CDH4: variants seen among roughly 807,000 people sequenced by gnomAD.
The protein encoded by CDH4 is cadherin-4.
In CDH4, 33 loss-of-function variants were observed where a neutral mutation model predicts 86.0. The observed-to-expected ratio is 0.38, with a 90% CI of 0.29 to 0.51. The LOEUF is 0.51. Among genes scored for constraint, CDH4 ranks in the 20% least tolerant of loss-of-function variants. The pLI is 0.86. For synonymous variants in CDH4, 555 were observed against 549.4 expected (o/e 1.01, Z -0.14); for missense variants, 1,114 against 1,307.4 (o/e 0.85, Z 2.28).
At chr20:61,871,835 C>T (rs1343732153) in intron 6 of CDH4, among the ~76,000 whole-genome samples, 1 of 152,220 alleles carries the variant, frequency 6.6e-6, no homozygotes, top group Non-Finnish European at 1.5e-5. Context: ...TGAAGTGCTC[C>T]TGCCTCCGCT....
chr20:61,913,687 T>C (rs1276916333), intron 9 of CDH4, among the ~76,000 whole-genome samples: 1 of 152,214 alleles, frequency 6.6e-6, no homozygotes, highest in Non-Finnish European at 1.5e-5. Flanking sequence ...CAGCTGGGGA[T>C]GCTCCTGAGA....
chr20:61,910,506 A>C lies in CDH4; in HGVS notation c.1273A>C (p.Asn425His), dbSNP rs753047655. ...GGACCGAGATCAGCCCCACTCTCCA[A>C]ACTGGAATGCCGTTTACCGCATCAT... is the stretch of plus-strand genomic sequence containing the variant. ...VMDRDQPHSPNWNAVYRIISG... is the reference protein window; with the variant it reads ...VMDRDQPHSPHWNAVYRIISG... The change falls in exon 9 of 16, where the codon AAC (asparagine) becomes CAC (histidine). Residue 425 changes from asparagine (N) to histidine (H), a missense_variant. Physicochemically the swap from Asn to His is moderately conservative, Grantham distance 68. Around this residue, in one of 3 missense-constraint regions of CDH4, gnomAD observed 705 missense variants for 914.1 expected, o/e 0.77. Coordinates refer to ENST00000614565, the MANE Select transcript of CDH4 (RefSeq NM_001794.5). 37 of 1,613,838 alleles carry C rather than the reference A, an allele frequency of 2.3e-5. No homozygotes were observed. Among genetic ancestry groups the C allele is most frequent in the Non-Finnish European group, 3.1e-5 (37 of 1,180,036 alleles).
intron 2 of CDH4, among the ~76,000 whole-genome samples, chr20:61,495,902 CAA>C (rs72458954): frequency 1.9e-4 from 11 of 58,404 alleles, no homozygotes; most frequent in African/African-American, 5.6e-4. Flanking sequence ...GACTCCATCT[CAA>C]AAAAAAAAAA....
intron 2 of CDH4, among the ~76,000 whole-genome samples, chr20:61,654,255 T>A (rs1192273696): frequency 6.6e-6 from 1 of 151,610 alleles, no homozygotes; most frequent in Non-Finnish European, 1.5e-5. Flanking sequence ...AAACCCCGTC[T>A]CCACCAAAAA....
chr20:61,869,698 C>G (rs544666588), intron 6 of CDH4, among the ~76,000 whole-genome samples: 60 of 152,352 alleles, frequency 3.9e-4, no homozygotes, highest in Non-Finnish European at 6.9e-4. Flanking sequence ...CCCCAGGTCC[C>G]CAAGCCTCCA....
Position 61,755,781 on chromosome 20 carries a change from CCA to C in CDH4, c.396+12004_396+12005del, listed in dbSNP as rs752901844. On this transcript the variant is annotated intron_variant, in intron 3 of 15. Coordinates refer to ENST00000614565, the MANE Select transcript of CDH4 (RefSeq NM_001794.5). ...CACACACACTACACACATATACACA[CCA>C]CACACACACACCACACATTTACACG... 2.0e-3 allele frequency among the ~76,000 whole-genome samples: 303 copies of C among 151,664 alleles called. 2 individuals carry two copies. The highest frequency in any genetic ancestry group is 3.6e-3 in the Admixed American group (55 of 15,258).
rs932226399 is a variant in CDH4, at chr20:61,786,055, G to A, written c.576+12873G>A. Among the ~76,000 whole-genome samples the A allele has an allele frequency of 6.6e-5, 10 of 152,138 alleles. No homozygotes were observed. In the East Asian group the frequency reaches 7.7e-4, roughly 12 times the overall value. ...CTGGTTCACCAGACACAGAATCCACGTCCAGGATGGGAGGAACTGCTCTAA... is the reference window on the plus strand; with the variant it reads ...CTGGTTCACCAGACACAGAATCCACATCCAGGATGGGAGGAACTGCTCTAA... On this transcript the variant is annotated intron_variant, in intron 4 of 15. Transcript: ENST00000614565.
At chr20:61,813,071 T>G (rs999106656) in intron 4 of CDH4, among the ~76,000 whole-genome samples, 6 of 152,226 alleles carry the variant, frequency 3.9e-5, no homozygotes, top group African/African-American at 7.2e-5. Flanking sequence ...CCCGCTGCCT[T>G]CCTTTTCAAA....
chr20:61,552,381 G>A (rs1053955892), intron 2 of CDH4, among the ~76,000 whole-genome samples: 1 of 152,196 alleles, frequency 6.6e-6, no homozygotes, highest in African/African-American at 2.4e-5. Context: ...AACGTCATTA[G>A]TAAGTAGGAA....
intron 2 of CDH4, among the ~76,000 whole-genome samples, chr20:61,297,636 T>A (rs2084363230): frequency 6.6e-6 from 1 of 152,228 alleles, no homozygotes; most frequent in African/African-American, 2.4e-5. Flanking sequence ...AGTGGGCCCT[T>A]CAGAAAGATT....
chr20:61,530,969 G>A (rs2085947216), intron 2 of CDH4, among the ~76,000 whole-genome samples: 1 of 151,972 alleles, frequency 6.6e-6, no homozygotes, highest in South Asian at 2.1e-4. Context: ...TATGCCAATA[G>A]TTCATCTCTA....
intron 2 of CDH4, among the ~76,000 whole-genome samples, chr20:61,692,884 G>A (rs545669700): frequency 2.6e-5 from 4 of 150,992 alleles, no homozygotes; most frequent in East Asian, 1.9e-4. Flanking sequence ...AGAAATGCCC[G>A]TGTGGATATT....
intron 5 of CDH4, among the ~76,000 whole-genome samples, chr20:61,850,338 C>T (rs546758506): frequency 2.6e-5 from 4 of 152,348 alleles, no homozygotes; most frequent in South Asian, 2.1e-4. Flanking sequence ...AGCAAACGCA[C>T]GGTGCGTGTT....
intron 2 of CDH4, among the ~76,000 whole-genome samples, chr20:61,389,602 G>GCGT (rs1167297713): frequency 6.6e-6 from 1 of 152,216 alleles, no homozygotes; most frequent in East Asian, 1.9e-4. Context: ...ACGCCTCCCA[G>GCGT]CGTCTTCATT....
chr20:61,532,502 C>T (rs1339457512), intron 2 of CDH4, among the ~76,000 whole-genome samples: 1 of 152,166 alleles, frequency 6.6e-6, no homozygotes, highest in Admixed American at 6.5e-5. Flanking sequence ...AGACCCGCAT[C>T]TCACCACCGT....
intron 2 of CDH4, among the ~76,000 whole-genome samples, chr20:61,279,140 C>T (rs4347903): frequency 0.71 from 108,303 of 152,122 alleles, 38,788 homozygotes; most frequent in Admixed American, 0.78. Context: ...TTAAAGTCTC[C>T]GTCACAGCCT....
chr20:61,622,488 G>A (rs1329245259), intron 2 of CDH4, among the ~76,000 whole-genome samples: 14 of 152,268 alleles, frequency 9.2e-5, no homozygotes, highest in Non-Finnish European at 5.9e-5. Context: ...TGCAGCATCC[G>A]AGGACCAGAC....
chr20:61,814,485 C>T (rs561252849), intron 4 of CDH4, among the ~76,000 whole-genome samples: 9 of 152,316 alleles, frequency 5.9e-5, no homozygotes, highest in East Asian at 1.9e-4. Context: ...CTCACACCCA[C>T]GCTCGAAGCC....
chr20:61,755,346 C>T (rs1279461361), intron 3 of CDH4, among the ~76,000 whole-genome samples: 2 of 148,698 alleles, frequency 1.3e-5, no homozygotes, highest in Non-Finnish European at 3.0e-5. Context: ...TAACACCACA[C>T]ACATAGTGCA....
Sources: allele counts gnomAD v4.1 joint callset (sites outside exome capture counted in the v4.1 genomes callset), GRCh38; gene constraint gnomAD v4.1.1; regional missense constraint gnomAD v4.1.1; transcripts MANE v1.5; gene names NCBI Gene and HGNC (gene_info 2026-07-23, HGNC 2026-07-21).